Variants in RAP1GAP observed in about 807,000 individuals in gnomAD.
The protein encoded by RAP1GAP is RAP1 GTPase activating protein, also known as rap1 GTPase-activating protein 1.
Under a neutral mutation model 87.2 loss-of-function variants are expected in RAP1GAP, and 35 were observed. The ratio of observed to expected loss-of-function variants is 0.40; its 90% CI spans 0.31 to 0.53. RAP1GAP has a LOEUF of 0.53. Among genes scored for constraint, RAP1GAP ranks in the 20% least tolerant of loss-of-function variants. RAP1GAP has a pLI of 0.48. For synonymous variants in RAP1GAP, 375 were observed against 363.9 expected (o/e 1.03, Z -0.35); for missense variants, 734 against 898.9 (o/e 0.82, Z 2.35).
chr1:21,645,987 G>A (rs6426721), intron 2 of RAP1GAP, among the ~76,000 whole-genome samples: 76,840 of 152,058 alleles, frequency 0.51, 19,443 homozygotes, highest in Middle Eastern at 0.65. Flanking sequence ...ATTACTGTCA[G>A]TCTTGGTTCA....
intron 1 of RAP1GAP, chr1:21,651,933 T>C (rs944514954): frequency 7.8e-6 from 7 of 893,316 alleles, no homozygotes; most frequent in African/African-American, 3.6e-5. Context: ...CCAGCTCGGA[T>C]ACGTCCGCGC....
chr1:21,604,889 GTGGA>G (rs1360260354), intron 18 of RAP1GAP, among the ~76,000 whole-genome samples: 1 of 132,464 alleles, frequency 7.5e-6, no homozygotes, highest in Non-Finnish European at 1.7e-5. Flanking sequence ...GGATGGATGG[GTGGA>G]TGGGTGGGTG....
chr1:21,602,764 G>C, intron 19 of RAP1GAP, 40 bp downstream of exon 19: 1 of 1,532,982 alleles, frequency 6.5e-7, no homozygotes, highest in Non-Finnish European at 8.9e-7. Flanking sequence ...CTCAGGGATG[G>C]GGATGCAGGG....
intron 18 of RAP1GAP, among the ~76,000 whole-genome samples, chr1:21,605,430 G>A (rs1395953060): frequency 1.3e-5 from 2 of 152,082 alleles, no homozygotes; most frequent in South Asian, 2.1e-4. Flanking sequence ...TATCACACAC[G>A]ATGTGCTCAC....
At chr1:21,664,081 A>G (rs1328499565) in intron 1 of RAP1GAP, among the ~76,000 whole-genome samples, 1 of 152,206 alleles carries the variant, frequency 6.6e-6, no homozygotes, top group African/African-American at 2.4e-5. Context: ...GAGCTCACCC[A>G]GCTAGTGGGG....
intron 3 of RAP1GAP, among the ~76,000 whole-genome samples, chr1:21,625,726 G>A (rs990817874): frequency 1.3e-5 from 2 of 152,214 alleles, no homozygotes; most frequent in African/African-American, 4.8e-5. Flanking sequence ...ACATTGTTCA[G>A]TTATCTATTG....
At chr1:21,627,643 G>A (rs933923896) in intron 2 of RAP1GAP, among the ~76,000 whole-genome samples, 3 of 151,896 alleles carry the variant, frequency 2.0e-5, no homozygotes, top group Non-Finnish European at 2.9e-5. Flanking sequence ...TCGAACTCCC[G>A]ACCTCAGGTG....
chr1:21,632,481 G>A (rs997636986), intron 2 of RAP1GAP, among the ~76,000 whole-genome samples: 1 of 152,228 alleles, frequency 6.6e-6, no homozygotes, highest in Admixed American at 6.5e-5. Context: ...ACTGAGGCTT[G>A]GAGAGGTGAA....
chr1:21,611,704 C>G lies in RAP1GAP; in HGVS notation c.713+12G>C. On this transcript the variant is annotated intron_variant, in intron 12 of 24. Transcript: ENST00000374765. ...TCAGATTACACTCTGCTCAGCCCAC[C>G]CTAATACTCACCCCTTAAAGTCCTG... 1 of 1,612,342 alleles carries G rather than the reference C, an allele frequency of 6.2e-7. No homozygotes were observed. Among genetic ancestry groups the G allele is most frequent in the Non-Finnish European group, 8.5e-7 (1 of 1,178,380 alleles).
rs757240361 is a variant in RAP1GAP, at chr1:21,598,392, C to T, written c.1879+8G>A. 1 of 1,608,330 alleles carries T rather than the reference C, an allele frequency of 6.2e-7. No homozygotes were observed. Among genetic ancestry groups the T allele is most frequent in the Admixed American group, 1.7e-5 (1 of 59,984 alleles). On this transcript the variant is annotated splice_region_variant and intron_variant, in intron 22 of 24. Coordinates refer to ENST00000374765, the MANE Select transcript of RAP1GAP (RefSeq NM_002885.4). ...CTGCTTTGTGGGGAAGCTGCCTTGT[C>T]CTGGTACCTGGGGAGCTGCCCCCAC...
chr1:21,632,639 T>C (rs1557086), intron 2 of RAP1GAP, among the ~76,000 whole-genome samples: 127,719 of 152,194 alleles, frequency 0.84, 54,070 homozygotes, highest in East Asian at 0.97. Context: ...GTGGTTCATG[T>C]CTGTAATCCC....
At chr1:21,633,527 G>A (rs2094170696) in intron 2 of RAP1GAP, among the ~76,000 whole-genome samples, 1 of 152,178 alleles carries the variant, frequency 6.6e-6, no homozygotes, top group African/African-American at 2.4e-5. Flanking sequence ...CTGGGACCGG[G>A]AGCAGGGGAA....
At chr1:21,605,245 A>T (rs2073565950) in intron 18 of RAP1GAP, among the ~76,000 whole-genome samples, 1 of 152,200 alleles carries the variant, frequency 6.6e-6, no homozygotes, top group Admixed American at 6.5e-5. Context: ...ATCACACAGG[A>T]GGTGCTCCCT....
At chr1:21,598,819 G>T (rs2148451705) in intron 21 of RAP1GAP, among the ~76,000 whole-genome samples, 1 of 152,388 alleles carries the variant, frequency 6.6e-6, no homozygotes. Context: ...AGGCAAGGCA[G>T]GCTGTGAAGA....
intron 1 of RAP1GAP, among the ~76,000 whole-genome samples, chr1:21,664,058 G>A (rs1571549055): frequency 6.6e-6 from 1 of 152,206 alleles, no homozygotes; most frequent in Admixed American, 6.5e-5. Flanking sequence ...CAAAGAGGCC[G>A]GGCGGCTTGC....
At chr1:21,612,814 T>A (rs2079219861) in intron 10 of RAP1GAP, among the ~76,000 whole-genome samples, 2 of 152,228 alleles carry the variant, frequency 1.3e-5, no homozygotes, top group African/African-American at 4.8e-5. Context: ...TCTCTATAGG[T>A]CTCCTCTGGG....
At chr1:21,628,947 C>T (rs187038025) in intron 2 of RAP1GAP, among the ~76,000 whole-genome samples, 2 of 151,814 alleles carry the variant, frequency 1.3e-5, no homozygotes, top group East Asian at 3.9e-4. Context: ...CCAGGCAATT[C>T]CACTGAGGCT....
chr1:21,647,545 TGCAGCTCACCTG>T (rs1193355176), intron 2 of RAP1GAP, among the ~76,000 whole-genome samples: 1 of 152,206 alleles, frequency 6.6e-6, no homozygotes, highest in Non-Finnish European at 1.5e-5. Context: ...TGTGAACACA[TGCAGCTCACCTG>T]AAGTCAGCTC....
Position 21,611,570 on chromosome 1 carries a change from C to A in RAP1GAP, c.725G>T (p.Gly242Val), listed in dbSNP as rs755285388. The change falls in exon 13 of 25, where the codon GGC becomes GTC. Residue 242 changes from glycine to valine, a missense_variant. Physicochemically the swap from Gly to Val is moderately radical, Grantham distance 109. Around this residue, in one of 2 missense-constraint regions of RAP1GAP, gnomAD observed 485 missense variants for 646.2 expected, o/e 0.75. Transcript: ENST00000374765. The stretch of plus-strand genomic sequence containing the variant: ...CGTCTGCCCGTGGGTCACGTCCAGG[C>A]CTCCTCGGAACCTGCCCCGGGGCCC... The part of the protein sequence containing the change: ...KLQDFKGFRG[G>V]LDVTHGQTGT... 6.2e-7 allele frequency: 1 copy of A among 1,614,186 alleles called. No individual in the cohort carries two copies. Among genetic ancestry groups the A allele is most frequent in the African/African-American group, 1.3e-5 (1 of 75,066 alleles).
Sources: allele counts gnomAD v4.1 joint callset (sites outside exome capture counted in the v4.1 genomes callset), GRCh38; gene constraint gnomAD v4.1.1; regional missense constraint gnomAD v4.1.1; transcripts MANE v1.5; gene names NCBI Gene and HGNC (gene_info 2026-07-23, HGNC 2026-07-21).